KLHL29: variants seen among roughly 807,000 people sequenced by gnomAD.
KLHL29 encodes the protein kelch-like protein 29.
A neutral mutation model predicts 80.4 loss-of-function variants in KLHL29; 21 were observed. The ratio of observed to expected loss-of-function variants is 0.26; its 90% confidence interval spans 0.19 to 0.38. The LOEUF (loss-of-function observed/expected upper bound fraction) is 0.38, where lower values mean the gene tolerates loss of function less well. Ranked by LOEUF, KLHL29 falls within the 10% of genes least tolerant of loss-of-function variation. The pLI is 1.00. For synonymous variants in KLHL29, 511 were observed against 526.8 expected (o/e 0.97, Z 0.41); for missense variants, 867 against 1,223.9 (o/e 0.71, Z 4.35).
chr2:23,642,396 C>G lies in KLHL29; in HGVS notation c.486C>G (p.His162Gln). The G allele has an allele frequency of 6.8e-7, 1 of 1,471,302 alleles. No individual in the cohort carries two copies. The highest frequency in any genetic ancestry group is 9.0e-7 in the Non-Finnish European group (1 of 1,105,634). The allele number at this position is 1,471,302 out of a possible 1,614,324, so 91.1% of individuals were successfully genotyped here. The change falls in exon 5 of 14, where the codon CAC becomes CAG. Residue 162 changes from histidine to glutamine, a missense_variant. This residue lies in a region of KLHL29 where 424 missense variants were observed against 456.9 expected (regional missense o/e 0.93). Coordinates refer to ENST00000486442, the MANE Select transcript of KLHL29 (RefSeq NM_052920.2). ...GGAACCAGCCCACCCTGATTGCACA[C>G]TCCTATGGAGTGGCCCAGCCTCCCA... ...AAGNQPTLIA[H>Q]SYGVAQPPTF... is the part of the protein sequence containing the mutation.
chr2:23,650,758 G>A (rs1670067549), intron 5 of KLHL29, among the ~76,000 whole-genome samples: 1 of 152,206 alleles, frequency 6.6e-6, no homozygotes, highest in South Asian at 2.1e-4. Flanking sequence ...CGAGTTTCCT[G>A]TTGCCTAACC....
At chr2:23,471,107 A>G (rs1307492446) in intron 1 of KLHL29, among the ~76,000 whole-genome samples, 1 of 152,100 alleles carries the variant, frequency 6.6e-6, no homozygotes, top group Admixed American at 6.5e-5. Flanking sequence ...TTTCCTCCCT[A>G]CAGTTTACAG....
intron 2 of KLHL29, among the ~76,000 whole-genome samples, chr2:23,483,350 T>C (rs1362253628): frequency 6.6e-6 from 1 of 152,112 alleles, no homozygotes; most frequent in African/African-American, 2.4e-5. Context: ...CCTGAAGATA[T>C]AAAAAGACCA....
intron 2 of KLHL29, among the ~76,000 whole-genome samples, chr2:23,497,750 A>G (rs1665311116): frequency 6.6e-6 from 1 of 152,142 alleles, no homozygotes; most frequent in Admixed American, 6.5e-5. Context: ...GGGTGGCCTG[A>G]GGCTGGTGCG....
chr2:23,516,474 C>T (rs1372725763), intron 2 of KLHL29, among the ~76,000 whole-genome samples: 1 of 151,926 alleles, frequency 6.6e-6, no homozygotes, highest in South Asian at 2.1e-4. Flanking sequence ...GCACTCCTTT[C>T]TCTTCCTCTT....
intron 1 of KLHL29, among the ~76,000 whole-genome samples, chr2:23,425,014 T>G (rs1291138972): frequency 6.6e-6 from 1 of 152,242 alleles, no homozygotes; most frequent in Non-Finnish European, 1.5e-5. Flanking sequence ...CAAATCAGTC[T>G]TTCCTTGCAC....
At chr2:23,552,774 T>TTTTTTTTTTTTTTTTC in intron 2 of KLHL29, among the ~76,000 whole-genome samples, 1 of 144,552 alleles carries the variant, frequency 6.9e-6, no homozygotes, top group South Asian at 2.3e-4. Flanking sequence ...TTTTTTTTTT[T>TTTTTTTTTTTTTTTTC]TTTTGAGATG....
chr2:23,581,684 C>T (rs147548449), intron 3 of KLHL29, among the ~76,000 whole-genome samples: 3 of 151,902 alleles, frequency 2.0e-5, no homozygotes, highest in Non-Finnish European at 2.9e-5. Flanking sequence ...AAAAAGTAGC[C>T]GGGCGTGGTA....
At chr2:23,486,495 TC>T (rs1011644054) in intron 2 of KLHL29, among the ~76,000 whole-genome samples, 8 of 152,080 alleles carry the variant, frequency 5.3e-5, no homozygotes, top group Non-Finnish European at 1.2e-4. Flanking sequence ...TCAGGCTCTG[TC>T]CCTAGAAGTG....
At chr2:23,575,183 T>C (rs1667812720) in intron 3 of KLHL29, among the ~76,000 whole-genome samples, 1 of 152,034 alleles carries the variant, frequency 6.6e-6, no homozygotes, top group Non-Finnish European at 1.5e-5. Context: ...AGAAAGAGGG[T>C]TGTGGTGGAC....
chr2:23,684,158 GGTT>G lies in KLHL29; in HGVS notation c.941-240_941-238del, dbSNP rs1671172039. ...GGGTTTGATTTTTTGTATCATATTTGGTTTTTTTGCTTTTTAAAGTTGTGATTC... is the reference window on the plus strand; with the variant it reads ...GGGTTTGATTTTTTGTATCATATTTGTTTTTGCTTTTTAAAGTTGTGATTC... On this transcript the variant is annotated intron_variant, in intron 5 of 13. Transcript: ENST00000486442. The surrounding 1 kb of genome is among the most constrained non-coding windows in gnomAD (Gnocchi z 4.4). Among the ~76,000 whole-genome samples, 1 of 151,844 alleles carries G rather than the reference GGTT, an allele frequency of 6.6e-6. No individual in the cohort carries two copies. Among genetic ancestry groups the G allele is most frequent in the Non-Finnish European group, 1.5e-5 (1 of 67,962 alleles).
At chr2:23,544,767 T>A (rs1411253003) in intron 2 of KLHL29, among the ~76,000 whole-genome samples, 1 of 152,050 alleles carries the variant, frequency 6.6e-6, no homozygotes, top group Admixed American at 6.6e-5. Context: ...GGGAGCAGTG[T>A]GTGCAAAGGT....
intron 3 of KLHL29, among the ~76,000 whole-genome samples, chr2:23,634,285 G>A (rs1006787671): frequency 6.6e-6 from 1 of 152,162 alleles, no homozygotes; most frequent in Non-Finnish European, 1.5e-5. Context: ...GTGGGTGCTG[G>A]CATCATCGTC....
chr2:23,626,301 CA>C (rs937115182), intron 3 of KLHL29, among the ~76,000 whole-genome samples: 1 of 152,216 alleles, frequency 6.6e-6, no homozygotes, highest in Non-Finnish European at 1.5e-5. Context: ...GTTGCAAATA[CA>C]GATGAAGCTT....
intron 1 of KLHL29, among the ~76,000 whole-genome samples, chr2:23,431,901 CAAAA>C (rs11357606): frequency 0.062 from 4,191 of 67,864 alleles, 152 homozygotes; most frequent in African/African-American, 0.2. Flanking sequence ...GACTCCATCT[CAAAA>C]AAAAAAAAAA....
chr2:23,431,754 C>T (rs1553322531), intron 1 of KLHL29, among the ~76,000 whole-genome samples: 2 of 151,746 alleles, frequency 1.3e-5, no homozygotes, highest in South Asian at 2.1e-4. Flanking sequence ...ATTAGCTGGG[C>T]GTTGTGGCGG....
chr2:23,618,924 T>G (rs1394005231), intron 3 of KLHL29, among the ~76,000 whole-genome samples: 2 of 152,204 alleles, frequency 1.3e-5, no homozygotes, highest in Non-Finnish European at 2.9e-5. Context: ...TCCTCTCTGC[T>G]GAGAACATCA....
intron 3 of KLHL29, among the ~76,000 whole-genome samples, chr2:23,583,281 G>T (rs908138417): frequency 1.3e-5 from 2 of 152,150 alleles, no homozygotes; most frequent in African/African-American, 4.8e-5. Flanking sequence ...TCTCTTCCTA[G>T]CATCTCCTTC....
At chr2:23,473,152 C>T (rs1168048714) in intron 1 of KLHL29, among the ~76,000 whole-genome samples, 2 of 152,158 alleles carry the variant, frequency 1.3e-5, no homozygotes, top group East Asian at 3.9e-4. Context: ...GGACACCCTG[C>T]TCATGAAGAC....
Sources: gnomAD v4.1 joint callset for allele counts (sites outside exome capture counted in the v4.1 genomes callset) on GRCh38, gnomAD v4.1.1 for gene constraint, gnomAD v4.1.1 regional missense constraint, Gnocchi (gnomAD v3.1) non-coding constraint, MANE v1.5 for transcripts, NCBI Gene and HGNC (gene_info 2026-07-23, HGNC 2026-07-21) for gene names.